The following SNED1 variants were observed in gnomAD, a reference collection of about 807,000 sequenced individuals.
SNED1 encodes sushi, nidogen and EGF like domains 1, also known as sushi, nidogen and EGF-like domain-containing protein 1.
Under a neutral mutation model 166.7 loss-of-function variants are expected in SNED1, and 81 were observed. That is an observed-to-expected ratio of 0.49 (90% CI 0.41 to 0.58). The LOEUF (loss-of-function observed/expected upper bound fraction) is 0.58, where lower values mean the gene tolerates loss of function less well. SNED1 is among the 20% of genes least tolerant of loss of function. SNED1 has a pLI of 0.00. For synonymous variants in SNED1, 762 were observed against 822.0 expected, an observed-to-expected ratio of 0.93 and a Z score of 1.25; for missense variants, 1,604 against 2,000.2, an observed-to-expected ratio of 0.80 and a Z score of 3.78.
At position 241,049,015 on chromosome 2, in the gene SNED1, T is replaced by C; in HGVS notation, c.1505-7T>C. 6.2e-7 allele frequency: 1 copy of C among 1,607,072 alleles called. No homozygotes were observed. The highest frequency in any genetic ancestry group is 8.5e-7 in the Non-Finnish European group (1 of 1,175,610). ...ATATGGGATGGGGCTTCCTCCTTTC[T>C]CTCTAGAAATCACAGCCATGCCCTG... is the stretch of plus-strand genomic sequence containing the variant. On this transcript the variant is annotated splice_region_variant and splice_polypyrimidine_tract_variant and intron_variant, in intron 10 of 31. Transcript: ENST00000310397.
At chr2:241,007,064 A>C (rs2060240068) in intron 1 of SNED1, among the ~76,000 whole-genome samples, 1 of 152,274 alleles carries the variant, frequency 6.6e-6, no homozygotes, top group African/African-American at 2.4e-5. Flanking sequence ...TAAGTAAATA[A>C]ATGATGAAAC....
At chr2:241,044,328 A>C (rs2061593414) in intron 8 of SNED1, among the ~76,000 whole-genome samples, 1 of 152,236 alleles carries the variant, frequency 6.6e-6, no homozygotes, top group South Asian at 2.1e-4. Context: ...GTATAAAGAC[A>C]CAGGTAATTG....
At chr2:241,025,290 T>TC (rs2060922712) in intron 1 of SNED1, among the ~76,000 whole-genome samples, 1 of 152,026 alleles carries the variant, frequency 6.6e-6, no homozygotes, top group South Asian at 2.1e-4. Flanking sequence ...CTGCAAACCA[T>TC]CCCCACACCC....
Position 241,065,321 on chromosome 2 carries a change from C to A in SNED1, c.2736C>A (p.Leu912=). The A allele has an allele frequency of 6.2e-7, 1 of 1,612,918 alleles. No individual in the cohort carries two copies. Among genetic ancestry groups the A allele is most frequent in the African/African-American group, 1.3e-5 (1 of 75,046 alleles). Reference sequence around the variant, plus strand: ...AAGAGCTCTTCCCACCGACGGCCCTCAAGATGGAGAGAGTGGAGGAGAGTG... The same window carrying A: ...AAGAGCTCTTCCCACCGACGGCCCTAAAGATGGAGAGAGTGGAGGAGAGTG... ...CAKELFPPTA[L]KMERVEESGV... The change falls in exon 21 of 32, where the codon CTC becomes CTA. Residue 912 remains leucine, a synonymous_variant. Transcript: ENST00000310397.
intron 29 of SNED1, among the ~76,000 whole-genome samples, chr2:241,083,268 C>G (rs1017471274): frequency 2.0e-5 from 3 of 152,102 alleles, no homozygotes; most frequent in African/African-American, 7.2e-5. Context: ...TTACCAGGGC[C>G]CCAAGTCAGG....
chr2:241,072,226 C>A (rs1385711599), intron 26 of SNED1: 1 of 516,512 alleles, frequency 1.9e-6, no homozygotes, highest in Non-Finnish European at 3.7e-6. Flanking sequence ...TTTTAGTAAA[C>A]CATGGGCAGG....
At chr2:241,043,827 A>G (rs1173456251) in intron 8 of SNED1, among the ~76,000 whole-genome samples, 22 of 152,244 alleles carry the variant, frequency 1.4e-4, no homozygotes, top group Admixed American at 1.4e-3. Flanking sequence ...GACAATATGT[A>G]AATGAATAGG....
chr2:241,063,427 G>T, intron 17 of SNED1, 160 bp from the exon 18 acceptor site: 1 of 643,378 alleles, frequency 1.6e-6, no homozygotes, highest in Non-Finnish European at 2.9e-6. Context: ...CCGAGGAGGG[G>T]TGGGTTTGGG....
intron 30 of SNED1, 64 bp downstream of exon 30, chr2:241,087,539 G>A: frequency 1.3e-6 from 2 of 1,536,186 alleles, no homozygotes; most frequent in South Asian, 1.2e-5. Flanking sequence ...TGGGGCAAGG[G>A]CGGGGTGCTA....
rs1234077404 is a variant in SNED1 at position 241,034,742 on chromosome 2, G to A, written c.805+12G>A. The A allele has an allele frequency of 1.2e-5, 19 of 1,539,138 alleles. No homozygotes were observed. The highest frequency in any genetic ancestry group is 6.1e-5 in the South Asian group (5 of 82,576). On this transcript the variant is annotated intron_variant, in intron 4 of 31. Coordinates refer to ENST00000310397, the MANE Select transcript of SNED1 (RefSeq NM_001080437.3). ...CTGCGGCCATACAAGTAAGAGGACA[G>A]AGGAGCAGCTTGGGGTGGGAGCGGG...
At chr2:241,077,003 C>T (rs112966382) in intron 27 of SNED1, among the ~76,000 whole-genome samples, 2 of 151,198 alleles carry the variant, frequency 1.3e-5, no homozygotes, top group African/African-American at 4.9e-5. Context: ...GGCGTGAACC[C>T]GGGAGGTGGA....
At chr2:241,048,547 T>G in intron 9 of SNED1, 107 bp downstream of exon 9, 1 of 1,494,928 alleles carries the variant, frequency 6.7e-7, no homozygotes, top group African/African-American at 1.4e-5. Flanking sequence ...AACGTGTGAG[T>G]GCGCGTCCAC....
At position 241,088,832 on chromosome 2, in the gene SNED1, A is replaced by G. The variant is rs540166582; in HGVS notation, c.*1+430A>G. On this transcript the variant is annotated intron_variant, in intron 31 of 31. Transcript: ENST00000310397. Reference sequence around the variant, plus strand: ...GCTGAGAAATTCCGGGGGCTCCAGGAGAGGGCTGAGAGAGTGCCTCCCAGA... The same window carrying G: ...GCTGAGAAATTCCGGGGGCTCCAGGGGAGGGCTGAGAGAGTGCCTCCCAGA... 8.4e-4 allele frequency: 183 copies of G among 218,076 alleles called. 1 individual carries two copies. Among genetic ancestry groups the G allele is most frequent in the African/African-American group, 3.7e-3 (159 of 43,534 alleles). 13.5% of individuals were successfully genotyped at this position (218,076 alleles called of 1,614,324 possible).
rs566331329 is a variant in SNED1, at chr2:241,030,139, G to A, written c.214-145G>A. The A allele has an allele frequency of 6.2e-5, 44 of 713,374 alleles. No individual in the cohort carries two copies. In the East Asian group the frequency reaches 1.1e-3, roughly 19 times the overall value. The allele number at this position is 713,374 out of a possible 1,614,324, so 44.2% of individuals were successfully genotyped here. A position where few individuals can be genotyped will look rare whatever the true frequency, so the allele number is the denominator to read the frequency against. On this transcript the variant is annotated intron_variant, in intron 1 of 31. Transcript: ENST00000310397. ...TGCTGGGCCCATCTCAGGGACGGGG[G>A]GCTGTCAGGCCACCCTGGGGATACC... is the stretch of plus-strand genomic sequence containing the variant.
chr2:241,048,188 C>T, intron 8 of SNED1, 127 bp from the exon 9 acceptor site: 1 of 1,153,184 alleles, frequency 8.7e-7, no homozygotes, highest in Non-Finnish European at 1.2e-6. Flanking sequence ...AAATAAGCTT[C>T]TGGCTTAAAT....
At chr2:241,030,773 G>A (rs1217287823) in intron 2 of SNED1, among the ~76,000 whole-genome samples, 1 of 152,198 alleles carries the variant, frequency 6.6e-6, no homozygotes, top group East Asian at 1.9e-4. Context: ...GAAGCCACTT[G>A]CCTCCAGGAA....
chr2:241,082,911 T>C (rs1307837798), intron 29 of SNED1, among the ~76,000 whole-genome samples: 1 of 151,902 alleles, frequency 6.6e-6, no homozygotes, highest in Admixed American at 6.6e-5. Flanking sequence ...GAGCACCTGC[T>C]GTGTGCCGGG....
In SNED1 at chr2:241,052,066, C is replaced by A. The variant is rs770115332; in HGVS notation, c.1878C>A (p.Gly626=). ...GGAAGCCAGACTCGTGTGCCTCTGG[C>A]CCCTGTCACAACGGCGGCACCTGCT... The part of the protein sequence containing the change: ...EIGKPDSCAS[G]PCHNGGTCFH... The change falls in exon 14 of 32, where the codon GGC becomes GGA. Residue 626 remains glycine, a synonymous_variant. Transcript: ENST00000310397. 1 of 1,613,862 alleles carries A rather than the reference C, an allele frequency of 6.2e-7. No individual in the cohort carries two copies. The highest frequency in any genetic ancestry group is 2.2e-5 in the East Asian group (1 of 44,876).
At chr2:241,071,945 G>A in intron 26 of SNED1, 67 bp downstream of exon 26, 1 of 1,304,536 alleles carries the variant, frequency 7.7e-7, no homozygotes, top group Non-Finnish European at 1.1e-6. Context: ...CTCTCACCAG[G>A]TCCTGTCCCC....
Sources: allele counts gnomAD v4.1 joint callset (sites outside exome capture counted in the v4.1 genomes callset), GRCh38; gene constraint gnomAD v4.1.1; transcripts MANE v1.5; gene names NCBI Gene and HGNC (gene_info 2026-07-23, HGNC 2026-07-21).